PTPDC1: variants seen among roughly 807,000 people sequenced by gnomAD.
PTPDC1 encodes protein tyrosine phosphatase domain containing 1, also known as protein tyrosine phosphatase domain-containing protein 1.
Under a neutral mutation model 75.3 loss-of-function variants are expected in PTPDC1, and 53 were observed. That is an observed-to-expected ratio of 0.70 (90% CI 0.56 to 0.88). The LOEUF (loss-of-function observed/expected upper bound fraction) is 0.88. PTPDC1 is among the 40% of genes least tolerant of loss of function. The pLI, the probability that PTPDC1 is intolerant of heterozygous loss-of-function variation, is 0.00. For synonymous variants in PTPDC1, 349 were observed against 366.2 expected (o/e 0.95, Z 0.54); for missense variants, 925 against 998.6 (o/e 0.93, Z 0.99).
chr9:94,082,886 TACCCC>T (rs1826931138), upstream of PTPDC1, among the ~76,000 whole-genome samples: 1 of 152,224 alleles, frequency 6.6e-6, no homozygotes, highest in African/African-American at 2.4e-5. Flanking sequence ...AAATAAGTCC[TACCCC>T]TACCCCTTAT....
chr9:94,043,477 T>G (rs549877414), intron 1 of PTPDC1, among the ~76,000 whole-genome samples: 1 of 152,276 alleles, frequency 6.6e-6, no homozygotes, highest in Admixed American at 6.5e-5. Context: ...AATACAGAAA[T>G]GTATAAAGGG....
At chr9:94,079,187 G>A (rs144793248) in intron 2 of PTPDC1, among the ~76,000 whole-genome samples, 3 of 152,260 alleles carry the variant, frequency 2.0e-5, no homozygotes, top group Non-Finnish European at 4.4e-5. Context: ...GATCATCTTA[G>A]TGATGGACTA....
chr9:94,103,041 C>A (rs1827901007), intron 7 of PTPDC1, among the ~76,000 whole-genome samples: 1 of 148,684 alleles, frequency 6.7e-6, no homozygotes, highest in South Asian at 2.2e-4. Flanking sequence ...GACGGATGCA[C>A]ATGCAGACAT....
chr9:94,041,847 A>C (rs533206170), intron 1 of PTPDC1, among the ~76,000 whole-genome samples: 1 of 152,332 alleles, frequency 6.6e-6, no homozygotes, highest in African/African-American at 2.4e-5. Context: ...ATTGGAAAAT[A>C]GTATTAGAAA....
intron 2 of PTPDC1, among the ~76,000 whole-genome samples, chr9:94,075,868 A>G (rs1166309934): frequency 1.3e-5 from 2 of 152,204 alleles, no homozygotes; most frequent in East Asian, 3.8e-4. Context: ...TCACCCATTT[A>G]AAGTACCAAT....
At chr9:94,086,420 T>A (rs1051154641) in intron 2 of PTPDC1, among the ~76,000 whole-genome samples, 2 of 152,230 alleles carry the variant, frequency 1.3e-5, no homozygotes, top group African/African-American at 4.8e-5. Context: ...TCCCCCTTCA[T>A]CTTACACTAA....
rs1343368166 is a variant in PTPDC1, at chr9:94,087,813, C to G, written c.417-18C>G. 1.9e-6 allele frequency: 3 copies of G among 1,594,762 alleles called. No homozygotes were observed. In the South Asian group the frequency reaches 3.3e-5, roughly 18 times the overall value. ...CTAGGTTTCAGCACATCTCACCAGT[C>G]CCTCCACCTATTTGCAGGGTCACTG... On this transcript the variant is annotated intron_variant, in intron 2 of 8. Coordinates refer to ENST00000620992, the MANE Select transcript of PTPDC1 (RefSeq NM_001253829.2).
At chr9:94,094,210 T>A (rs1008296135) in intron 4 of PTPDC1, among the ~76,000 whole-genome samples, 3 of 152,006 alleles carry the variant, frequency 2.0e-5, no homozygotes, top group African/African-American at 7.2e-5. Context: ...ATCTTTGTGG[T>A]TTTATCTACT....
At chr9:94,093,904 G>A (rs1405843662) in intron 4 of PTPDC1, among the ~76,000 whole-genome samples, 1 of 149,754 alleles carries the variant, frequency 6.7e-6, no homozygotes, top group African/African-American at 2.5e-5. Context: ...CATTCTTCAC[G>A]TAGTTCTCGA....
In PTPDC1 at chr9:94,049,502, A is replaced by G. The variant is rs368930864; in HGVS notation, c.-6-15232A>G. On this transcript the variant is annotated intron_variant, in intron 1 of 9. Coordinates refer to the PTPDC1 transcript ENST00000375360. ...TAGTTTGGCTGGATATGAAATTCTG[A>G]GTTGAAAATTCTTTTCTTTAAAAAT... Among the ~76,000 whole-genome samples, 167 of 152,270 alleles carry G rather than the reference A, an allele frequency of 1.1e-3. 3 individuals are homozygous for G. In the East Asian group the frequency reaches 0.025, roughly 23 times the overall value.
chr9:94,038,246 A>T, intron 1 of PTPDC1: 1 of 922,120 alleles, frequency 1.1e-6, no homozygotes, highest in Non-Finnish European at 1.8e-6. Context: ...GGAGAATCCC[A>T]AGAAGTACAT....
At chr9:94,107,228 A>G (rs1828054091) in intron 8 of PTPDC1, among the ~76,000 whole-genome samples, 1 of 152,228 alleles carries the variant, frequency 6.6e-6, no homozygotes, top group Admixed American at 6.5e-5. Context: ...TGCTGGGATT[A>G]CAGGCATGAG....
chr9:94,047,127 G>T (rs1825625974), intron 1 of PTPDC1, among the ~76,000 whole-genome samples: 1 of 152,142 alleles, frequency 6.6e-6, no homozygotes, highest in South Asian at 2.1e-4. Context: ...CTTTGGTTCT[G>T]TTTATATGCT....
At chr9:94,054,208 G>C (rs1164393049) in intron 1 of PTPDC1, among the ~76,000 whole-genome samples, 1 of 152,202 alleles carries the variant, frequency 6.6e-6, no homozygotes, top group East Asian at 1.9e-4. Context: ...GTCCTATGGA[G>C]AAAAATGGGA....
At chr9:94,061,789 A>G (rs987694720) in intron 1 of PTPDC1, among the ~76,000 whole-genome samples, 2 of 152,226 alleles carry the variant, frequency 1.3e-5, no homozygotes, top group Non-Finnish European at 2.9e-5. Flanking sequence ...GGCATAGCCC[A>G]CAGAACCATC....
chr9:94,085,609 G>A (rs143885171), intron 2 of PTPDC1, among the ~76,000 whole-genome samples, 187 bp downstream of exon 2: 44 of 152,234 alleles, frequency 2.9e-4, no homozygotes, highest in Non-Finnish European at 6.0e-4. Context: ...TTCTTTATCT[G>A]TAAGGTGGAA....
At position 94,109,696 on chromosome 9, in the gene PTPDC1, T is replaced by G. The variant is rs1221985486; in HGVS notation, c.*1752T>G. The G allele has an allele frequency of 6.6e-6, 1 of 152,226 alleles. No individual in the cohort carries two copies. Among genetic ancestry groups the G allele is most frequent in the Non-Finnish European group, 1.5e-5 (1 of 68,044 alleles). 9.4% of individuals were successfully genotyped at this position (152,226 alleles called of 1,614,324 possible). On this transcript the variant is annotated 3_prime_UTR_variant, in exon 9 of 9. Transcript: ENST00000620992. Reference sequence around the variant, plus strand: ...CGAGTTTGCTATTTGCCTGTTGAAATACTTGTTTCAACTTAGAGAACAGTT... The same window carrying G: ...CGAGTTTGCTATTTGCCTGTTGAAAGACTTGTTTCAACTTAGAGAACAGTT...
At chr9:94,056,288 A>G (rs1205863491) in intron 1 of PTPDC1, among the ~76,000 whole-genome samples, 4 of 152,152 alleles carry the variant, frequency 2.6e-5, no homozygotes, top group African/African-American at 7.2e-5. Context: ...TGGCTTTTAT[A>G]GGTTCACTCA....
In PTPDC1 at chr9:94,062,094, G is replaced by A. The variant is rs189976703; in HGVS notation, c.-6-2640G>A. 1.2e-3 allele frequency among the ~76,000 whole-genome samples: 184 copies of A among 152,230 alleles called. 1 individual carries two copies. The highest frequency in any genetic ancestry group is 2.3e-3 in the Admixed American group (35 of 15,294). ...TGAGCATAGGCTTTTAGAAGCAGCC[G>A]GGTGACTTCTTGAATGTTTTGCTGC... is the stretch of plus-strand genomic sequence containing the variant. On this transcript the variant is annotated intron_variant, in intron 1 of 9. Coordinates refer to the PTPDC1 transcript ENST00000375360.
Sources: allele counts gnomAD v4.1 joint callset (sites outside exome capture counted in the v4.1 genomes callset), GRCh38; gene constraint gnomAD v4.1.1; transcripts MANE v1.5; gene names NCBI Gene and HGNC (gene_info 2026-07-23, HGNC 2026-07-21).